Variants in TENM4 observed in about 807,000 individuals in gnomAD.
TENM4 encodes teneurin-4.
Under a neutral mutation model 243.3 loss-of-function variants are expected in TENM4, and 82 were observed. The observed-to-expected ratio is 0.34, with a 90% CI of 0.28 to 0.40. The LOEUF is 0.40. TENM4 is among the 10% of genes least tolerant of loss of function. TENM4 has a pLI of 1.00. For synonymous variants in TENM4, 1,412 were observed against 1,456.3 expected (o/e 0.97, Z 0.69); for missense variants, 3,138 against 3,673.3 (o/e 0.85, Z 3.77).
At chr11:79,030,772 A>C (rs902502460) in intron 6 of TENM4, among the ~76,000 whole-genome samples, 3 of 152,028 alleles carry the variant, frequency 2.0e-5, no homozygotes, top group Non-Finnish European at 4.4e-5. Flanking sequence ...ACCTCCTTAA[A>C]CGACAGTAAT....
chr11:79,436,709 G>T (rs902240380), intron 1 of TENM4, among the ~76,000 whole-genome samples: 2 of 152,126 alleles, frequency 1.3e-5, no homozygotes, highest in Non-Finnish European at 2.9e-5. Flanking sequence ...GGTCAAGGCC[G>T]GTCTATTAGG....
intron 3 of TENM4, among the ~76,000 whole-genome samples, chr11:79,149,035 C>T (rs1248888013): frequency 2.6e-5 from 4 of 152,096 alleles, no homozygotes. Context: ...GGCAAATGCT[C>T]ATTAAGTAGT....
chr11:79,225,882 A>G (rs966212313), intron 2 of TENM4, among the ~76,000 whole-genome samples: 1 of 152,174 alleles, frequency 6.6e-6, no homozygotes, highest in Non-Finnish European at 1.5e-5. Flanking sequence ...AATGATCACG[A>G]TCATCACCTT....
chr11:78,898,304 C>G (rs548726557), intron 7 of TENM4, among the ~76,000 whole-genome samples: 2 of 152,258 alleles, frequency 1.3e-5, no homozygotes, highest in African/African-American at 2.4e-5. Context: ...CTTTCTTTTT[C>G]TGCCAGCATG....
intron 1 of TENM4, among the ~76,000 whole-genome samples, chr11:79,400,578 A>C (rs1476207735): frequency 1.3e-5 from 2 of 152,126 alleles, no homozygotes; most frequent in African/African-American, 4.8e-5. Flanking sequence ...TGCTGGACTT[A>C]AGCTCTGCAA....
intron 12 of TENM4, among the ~76,000 whole-genome samples, chr11:78,842,773 G>A (rs1310204976): frequency 6.6e-6 from 1 of 152,182 alleles, no homozygotes; most frequent in African/African-American, 2.4e-5. Flanking sequence ...TCACTAACTG[G>A]GTATTTAACT....
chr11:79,004,525 G>A (rs556801099), intron 6 of TENM4, among the ~76,000 whole-genome samples: 4 of 152,262 alleles, frequency 2.6e-5, no homozygotes, highest in African/African-American at 9.6e-5. Flanking sequence ...TGTAAAGTAT[G>A]AAACTAAGGC....
chr11:78,814,279 AT>A lies in TENM4; in HGVS notation c.1783+14del. 1 of 1,548,382 alleles carries A rather than the reference AT, an allele frequency of 6.5e-7. No homozygotes were observed. Among genetic ancestry groups the A allele is most frequent in the South Asian group, 1.2e-5 (1 of 83,910 alleles). ...TGGGAAGCAGAAATCCAGAGCTCCA[AT>A]GCAGAGTTCTCACCTCTGCCACAGT... On this transcript the variant is annotated intron_variant, in intron 13 of 33. Transcript: ENST00000278550.
At chr11:78,799,009 G>A (rs1371392821) in intron 15 of TENM4, among the ~76,000 whole-genome samples, 1 of 152,162 alleles carries the variant, frequency 6.6e-6, no homozygotes, top group East Asian at 1.9e-4. Flanking sequence ...TGAATGCCCA[G>A]CACACAGGAT....
chr11:79,287,657 G>C (rs1215203552), intron 2 of TENM4, among the ~76,000 whole-genome samples: 1 of 152,034 alleles, frequency 6.6e-6, no homozygotes, highest in African/African-American at 2.4e-5. Flanking sequence ...CTGACACTGA[G>C]GTAACACTGA....
chr11:78,962,901 T>A (rs1409847887), intron 6 of TENM4, among the ~76,000 whole-genome samples: 1 of 152,268 alleles, frequency 6.6e-6, no homozygotes, highest in Non-Finnish European at 1.5e-5. Flanking sequence ...GGCTTCACCT[T>A]TGGCAGTCTA....
intron 6 of TENM4, among the ~76,000 whole-genome samples, chr11:79,044,892 G>A (rs150402557): frequency 3.0e-4 from 46 of 152,246 alleles, no homozygotes; most frequent in African/African-American, 1.0e-3. Context: ...AGTGAATAAA[G>A]CGAATAAGGT....
intron 4 of TENM4, among the ~76,000 whole-genome samples, chr11:79,132,361 A>AAAAAAAAAAAAAAAAAAAAAAAAAG (rs1353670850): frequency 6.7e-6 from 1 of 149,992 alleles, no homozygotes. Context: ...AAAAAAAAAA[A>AAAAAAAAAAAAAAAAAAAAAAAAAG]AGAGAAATGA....
At chr11:78,928,725 A>G (rs2136413382) in intron 6 of TENM4, among the ~76,000 whole-genome samples, 1 of 152,366 alleles carries the variant, frequency 6.6e-6, no homozygotes, top group African/African-American at 2.4e-5. Context: ...TGTAAGGATC[A>G]AATAACAAAA....
At chr11:78,758,198 C>T (rs941557958) in intron 18 of TENM4, among the ~76,000 whole-genome samples, 2 of 152,324 alleles carry the variant, frequency 1.3e-5, no homozygotes, top group Admixed American at 6.5e-5. Context: ...TGCGTCTCAG[C>T]TGTGTGACTT....
intron 2 of TENM4, among the ~76,000 whole-genome samples, chr11:79,248,100 C>T (rs1028367558): frequency 6.6e-6 from 1 of 152,136 alleles, no homozygotes; most frequent in Non-Finnish European, 1.5e-5. Context: ...TTTGTGGTGG[C>T]CTGCCTTAAC....
At chr11:79,307,383 A>G (rs554852139) in intron 1 of TENM4, among the ~76,000 whole-genome samples, 1 of 152,188 alleles carries the variant, frequency 6.6e-6, no homozygotes, top group East Asian at 1.9e-4. Flanking sequence ...CACAAGCTAG[A>G]AACCTAGGTC....
At chr11:79,115,799 A>G (rs1861607138) in intron 4 of TENM4, among the ~76,000 whole-genome samples, 1 of 152,156 alleles carries the variant, frequency 6.6e-6, no homozygotes, top group Admixed American at 6.5e-5. Context: ...TCAGTAGCAA[A>G]TTCTGCTCTT....
chr11:79,162,116 T>C (rs1862759196), intron 3 of TENM4, among the ~76,000 whole-genome samples: 1 of 152,180 alleles, frequency 6.6e-6, no homozygotes, highest in Non-Finnish European at 1.5e-5. Context: ...TGTCTAACTA[T>C]AGGTCGAAGT....
Sources: gnomAD v4.1 joint callset for allele counts (sites outside exome capture counted in the v4.1 genomes callset) on GRCh38, gnomAD v4.1.1 for gene constraint, MANE v1.5 for transcripts, NCBI Gene and HGNC (gene_info 2026-07-23, HGNC 2026-07-21) for gene names.